FNBP1L: variants seen among roughly 807,000 people sequenced by gnomAD.
FNBP1L encodes formin binding protein 1 like.
Under a neutral mutation model 91.2 loss-of-function variants are expected in FNBP1L, and 36 were observed. That is an observed-to-expected ratio of 0.39 (90% CI 0.30 to 0.52). FNBP1L has a LOEUF of 0.52. FNBP1L is among the 20% of genes least tolerant of loss of function. The pLI, the probability that FNBP1L is intolerant of heterozygous loss-of-function variation, is 0.66. For missense variants in FNBP1L, 571 were observed against 732.1 expected, an observed-to-expected ratio of 0.78 and a Z score of 2.54; for synonymous variants, 242 against 237.0, an observed-to-expected ratio of 1.02 and a Z score of -0.19.
At chr1:93,474,707 G>A (rs1669432938) in intron 1 of FNBP1L, among the ~76,000 whole-genome samples, 1 of 152,184 alleles carries the variant, frequency 6.6e-6, no homozygotes, top group African/African-American at 2.4e-5. Context: ...AGGCCATAAT[G>A]CTGGGGCTTA....
rs1474160242 is a variant in FNBP1L, at chr1:93,448,211, G to A, written c.-71G>A. 2.6e-6 allele frequency: 4 copies of A among 1,510,816 alleles called. No individual in the cohort carries two copies. Among genetic ancestry groups the A allele is most frequent in the South Asian group, 1.2e-5 (1 of 81,004 alleles). 93.6% of individuals were successfully genotyped at this position (1,510,816 alleles called of 1,614,324 possible). On this transcript the variant is annotated 5_prime_UTR_variant, in exon 1 of 17. Transcript: ENST00000271234. Reference sequence around the variant, plus strand: ...TGCTAGCCCGCCGGCCAGCGAGTGAGAGGTCGGACAGACTGTGGAGCCGAC... The same window carrying A: ...TGCTAGCCCGCCGGCCAGCGAGTGAAAGGTCGGACAGACTGTGGAGCCGAC...
chr1:93,510,226 G>C (rs1670780218), intron 2 of FNBP1L, among the ~76,000 whole-genome samples: 1 of 152,224 alleles, frequency 6.6e-6, no homozygotes, highest in Non-Finnish European at 1.5e-5. Context: ...GCTTTGAAGA[G>C]AACAGTGGTT....
intron 4 of FNBP1L, among the ~76,000 whole-genome samples, chr1:93,523,905 A>G (rs551971385): frequency 3.2e-4 from 48 of 152,342 alleles, no homozygotes; most frequent in Non-Finnish European, 5.3e-4. Flanking sequence ...TCACACTAGC[A>G]GAGTTGAGTG....
chr1:93,499,592 A>T lies in FNBP1L; in HGVS notation c.140+9A>T, dbSNP rs773293560. ...TATGCGAAACAATTGAGGTAAGTTA[A>T]TTTTTTTTTCAGTTTTTAGAATGAA... On this transcript the variant is annotated intron_variant, in intron 2 of 16. Transcript: ENST00000271234. 9.4e-6 allele frequency: 14 copies of T among 1,487,454 alleles called. No homozygotes were observed. Among genetic ancestry groups the T allele is most frequent in the African/African-American group, 5.7e-5 (4 of 70,392 alleles). 92.1% of individuals were successfully genotyped at this position (1,487,454 alleles called of 1,614,324 possible). A position where few individuals can be genotyped will look rare whatever the true frequency, so the allele number is the denominator to read the frequency against.
At chr1:93,521,557 T>C (rs1230398579) in intron 2 of FNBP1L, among the ~76,000 whole-genome samples, 1 of 152,208 alleles carries the variant, frequency 6.6e-6, no homozygotes, top group Non-Finnish European at 1.5e-5. Flanking sequence ...GCATAACATT[T>C]GCCTATAACC....
At chr1:93,499,417 G>A in intron 1 of FNBP1L, 51 bp from the exon 2 acceptor site, 1 of 1,161,598 alleles carries the variant, frequency 8.6e-7, no homozygotes, top group Non-Finnish European at 1.3e-6. Context: ...AAAAATATCT[G>A]TGGATAAAAT....
At chr1:93,501,949 A>C (rs1384044783) in intron 2 of FNBP1L, among the ~76,000 whole-genome samples, 1 of 152,184 alleles carries the variant, frequency 6.6e-6, no homozygotes, top group Non-Finnish European at 1.5e-5. Context: ...ATTGCAGGAA[A>C]AAAAAAAAGT....
At chr1:93,485,636 G>A (rs1669871351) in intron 1 of FNBP1L, among the ~76,000 whole-genome samples, 1 of 152,048 alleles carries the variant, frequency 6.6e-6, no homozygotes, top group Admixed American at 6.6e-5. Flanking sequence ...TCATTTTTTT[G>A]TTGCATTAAA....
At chr1:93,502,248 A>T (rs944089274) in intron 2 of FNBP1L, among the ~76,000 whole-genome samples, 2 of 152,244 alleles carry the variant, frequency 1.3e-5, no homozygotes, top group African/African-American at 4.8e-5. Flanking sequence ...GTAGGGAATG[A>T]TAAGGGAAGG....
intron 1 of FNBP1L, among the ~76,000 whole-genome samples, chr1:93,493,551 T>A (rs1670166458): frequency 6.6e-6 from 1 of 152,160 alleles, no homozygotes; most frequent in Admixed American, 6.5e-5. Flanking sequence ...CCCTGTCAAC[T>A]ACCATTCTAC....
At chr1:93,519,355 G>C (rs541152594) in intron 2 of FNBP1L, among the ~76,000 whole-genome samples, 14 of 152,168 alleles carry the variant, frequency 9.2e-5, no homozygotes, top group African/African-American at 2.2e-4. Context: ...TTGCTCATTA[G>C]ATCTTCTCTA....
intron 1 of FNBP1L, among the ~76,000 whole-genome samples, chr1:93,472,344 G>A (rs578216548): frequency 3.3e-5 from 5 of 152,126 alleles, no homozygotes; most frequent in African/African-American, 1.2e-4. Flanking sequence ...ACATTTTTGG[G>A]TTCAGAGAGA....
intron 10 of FNBP1L, among the ~76,000 whole-genome samples, chr1:93,537,293 C>T (rs1671881073): frequency 6.6e-6 from 1 of 152,080 alleles, no homozygotes; most frequent in African/African-American, 2.4e-5. Flanking sequence ...GATGAGAAAT[C>T]AGTCTTTCAA....
rs1672475188 is a variant in FNBP1L at position 93,553,212 on chromosome 1, A to G, written c.*796A>G. The G allele has an allele frequency of 6.5e-6, 1 of 152,674 alleles. No homozygotes were observed. Among genetic ancestry groups the G allele is most frequent in the Non-Finnish European group, 1.5e-5 (1 of 68,048 alleles). The allele number at this position is 152,674 out of a possible 1,614,324, so 9.5% of individuals were successfully genotyped here. A position where few individuals can be genotyped will look rare whatever the true frequency, so the allele number is the denominator to read the frequency against. On this transcript the variant is annotated 3_prime_UTR_variant, in exon 17 of 17. Coordinates refer to ENST00000271234, the MANE Select transcript of FNBP1L (RefSeq NM_001164473.3). ...ATCTAGTCAGCACTGAAATCCTGGCATAATAAACACAGAAGATATTCACCA... is the reference window on the plus strand; with the variant it reads ...ATCTAGTCAGCACTGAAATCCTGGCGTAATAAACACAGAAGATATTCACCA...
At chr1:93,475,594 C>G (rs1259438949) in intron 1 of FNBP1L, among the ~76,000 whole-genome samples, 1 of 152,124 alleles carries the variant, frequency 6.6e-6, no homozygotes, top group Non-Finnish European at 1.5e-5. Flanking sequence ...CAGTACACAT[C>G]ACATGCATGT....
rs747699032 is a variant in FNBP1L, at chr1:93,538,256, CTTA to C, written c.1149+1769_1149+1771del. ...GGAGAGAAGCTTAAATATGTGTCATCTTATTTTTTTTTTTTTTGAATAAGTTTG... is the reference window on the plus strand; with the variant it reads ...GGAGAGAAGCTTAAATATGTGTCATCTTTTTTTTTTTTTTGAATAAGTTTG... On this transcript the variant is annotated intron_variant, in intron 10 of 16. Coordinates refer to ENST00000271234, the MANE Select transcript of FNBP1L (RefSeq NM_001164473.3). Among the ~76,000 whole-genome samples, 527 of 110,256 alleles carry C rather than the reference CTTA, an allele frequency of 4.8e-3. 2 individuals are homozygous for C. Among genetic ancestry groups the C allele is most frequent in the South Asian group, 0.024 (76 of 3,104 alleles). 72.3% of individuals were successfully genotyped at this position (110,256 alleles called of 152,430 possible).
intron 7 of FNBP1L, among the ~76,000 whole-genome samples, chr1:93,532,469 C>CAAAA (rs35188106): frequency 1.6e-5 from 1 of 62,600 alleles, no homozygotes. Context: ...GACTCCGCCT[C>CAAAA]AAAAAAAAAA....
chr1:93,536,944 C>T (rs920705115), intron 10 of FNBP1L, among the ~76,000 whole-genome samples: 2 of 151,216 alleles, frequency 1.3e-5, no homozygotes, highest in Admixed American at 1.3e-4. Context: ...AAAACAGTTT[C>T]CAATAGTTAA....
intron 1 of FNBP1L, among the ~76,000 whole-genome samples, chr1:93,494,143 T>C (rs1670188471): frequency 6.6e-6 from 1 of 152,190 alleles, no homozygotes; most frequent in Non-Finnish European, 1.5e-5. Flanking sequence ...GACCCCCTCC[T>C]CCAGTTTGAT....
Sources: allele counts gnomAD v4.1 joint callset (sites outside exome capture counted in the v4.1 genomes callset), GRCh38; gene constraint gnomAD v4.1.1; transcripts MANE v1.5; gene names NCBI Gene and HGNC (gene_info 2026-07-23, HGNC 2026-07-21).